CDH13: variants seen among roughly 807,000 people sequenced by gnomAD.
CDH13 encodes the protein cadherin-13.
Under a neutral mutation model 63.8 loss-of-function variants are expected in CDH13, and 24 were observed. The ratio of observed to expected loss-of-function variants is 0.38; its 90% confidence interval spans 0.27 to 0.53. CDH13 has a LOEUF of 0.53. Among genes scored for constraint, CDH13 ranks in the 20% least tolerant of loss-of-function variants. CDH13 has a pLI of 0.85. For synonymous variants in CDH13, 503 were observed against 355.3 expected, an observed-to-expected ratio of 1.42 and a Z score of -4.67; for missense variants, 1,049 against 903.1, an observed-to-expected ratio of 1.16 and a Z score of -2.07.
intron 5 of CDH13, among the ~76,000 whole-genome samples, chr16:83,296,154 G>C (rs1050992293): frequency 6.6e-6 from 1 of 152,096 alleles, no homozygotes; most frequent in African/African-American, 2.4e-5. Flanking sequence ...CATGTGTATA[G>C]TCCTTGTATA....
intron 1 of CDH13, among the ~76,000 whole-genome samples, chr16:82,661,068 T>G (rs1911886494): frequency 6.6e-6 from 1 of 152,188 alleles, no homozygotes; most frequent in Non-Finnish European, 1.5e-5. Context: ...AAAGGGGCTC[T>G]TGAGAGAGTG....
chr16:83,772,374 A>G (rs1914817128), intron 11 of CDH13, among the ~76,000 whole-genome samples: 1 of 152,112 alleles, frequency 6.6e-6, no homozygotes, highest in Admixed American at 6.5e-5. Flanking sequence ...CTCCACTTGA[A>G]GCCATTTGGA....
intron 1 of CDH13, among the ~76,000 whole-genome samples, chr16:82,754,904 T>G (rs1459434580): frequency 6.6e-6 from 1 of 152,250 alleles, no homozygotes; most frequent in Non-Finnish European, 1.5e-5. Context: ...GGTTCATTAC[T>G]AGGTTTCTAT....
intron 7 of CDH13, among the ~76,000 whole-genome samples, chr16:83,577,222 G>GGTTAAACAGCCCCTGTCCTACT (rs1905144041): frequency 6.6e-6 from 1 of 152,156 alleles, no homozygotes; most frequent in Non-Finnish European, 1.5e-5. Flanking sequence ...ATATAGGAAG[G>GGTTAAACAGCCCCTGTCCTACT]GTTAAACAGC....
At chr16:82,633,296 T>G (rs760214870) in intron 1 of CDH13, among the ~76,000 whole-genome samples, 8 of 152,228 alleles carry the variant, frequency 5.3e-5, no homozygotes, top group Non-Finnish European at 1.0e-4. Context: ...TTACTCTACT[T>G]AGACTTGCCA....
chr16:83,501,415 G>C (rs575171053), intron 7 of CDH13, among the ~76,000 whole-genome samples: 14 of 151,822 alleles, frequency 9.2e-5, no homozygotes, highest in African/African-American at 3.1e-4. Flanking sequence ...CAGGTTTTCT[G>C]TCTCCTTGGG....
chr16:83,013,377 T>C (rs1347475726), intron 2 of CDH13, among the ~76,000 whole-genome samples: 1 of 152,226 alleles, frequency 6.6e-6, no homozygotes, highest in Non-Finnish European at 1.5e-5. Flanking sequence ...GTTCAGCTCC[T>C]GGATTCAGCA....
intron 3 of CDH13, among the ~76,000 whole-genome samples, chr16:83,111,956 A>C (rs960190381): frequency 1.3e-5 from 2 of 152,232 alleles, no homozygotes; most frequent in African/African-American, 2.4e-5. Context: ...AAGGAAGTGA[A>C]AAACTCTTAT....
intron 2 of CDH13, among the ~76,000 whole-genome samples, chr16:82,951,405 G>A (rs968380708): frequency 6.6e-6 from 1 of 152,188 alleles, no homozygotes; most frequent in Non-Finnish European, 1.5e-5. Context: ...AATGGGTCCT[G>A]ATATTCAGCT....
chr16:83,087,836 A>C (rs945616424), intron 3 of CDH13, among the ~76,000 whole-genome samples: 1 of 152,160 alleles, frequency 6.6e-6, no homozygotes, highest in African/African-American at 2.4e-5. Flanking sequence ...GCTAATTACA[A>C]ATGGGTCTTA....
intron 1 of CDH13, among the ~76,000 whole-genome samples, chr16:82,845,275 C>T (rs1278127973): frequency 6.6e-6 from 1 of 152,224 alleles, no homozygotes; most frequent in Non-Finnish European, 1.5e-5. Flanking sequence ...ATTCAGCCAG[C>T]TGTCATTTCC....
intron 10 of CDH13, among the ~76,000 whole-genome samples, chr16:83,747,023 A>C (rs1382720405): frequency 6.6e-6 from 1 of 152,166 alleles, no homozygotes; most frequent in African/African-American, 2.4e-5. Context: ...ATTAACTTTT[A>C]GTTCCCTTAA....
chr16:83,570,654 G>A (rs1283403824), intron 7 of CDH13, among the ~76,000 whole-genome samples: 1 of 148,350 alleles, frequency 6.7e-6, no homozygotes, highest in Admixed American at 6.8e-5. Context: ...TATTCCCAGA[G>A]ATTCTTTCTC....
intron 2 of CDH13, among the ~76,000 whole-genome samples, chr16:82,931,181 C>T (rs1373563496): frequency 1.3e-5 from 2 of 152,184 alleles, no homozygotes. Flanking sequence ...ACTTTGATTT[C>T]CCTCTCTCGT....
At chr16:83,740,440 A>G (rs972379589) in intron 10 of CDH13, among the ~76,000 whole-genome samples, 1 of 152,160 alleles carries the variant, frequency 6.6e-6, no homozygotes, top group African/African-American at 2.4e-5. Flanking sequence ...CAATAACCAA[A>G]GAAAGTGGAC....
At chr16:83,034,834 G>C (rs938134276) in intron 3 of CDH13, among the ~76,000 whole-genome samples, 10 of 152,154 alleles carry the variant, frequency 6.6e-5, no homozygotes, top group African/African-American at 9.7e-5. Context: ...TCAAGTTTCT[G>C]TGAGATGCCA....
chr16:82,636,742 C>A (rs1418246571), intron 1 of CDH13, among the ~76,000 whole-genome samples: 1 of 152,184 alleles, frequency 6.6e-6, no homozygotes, highest in African/African-American at 2.4e-5. Flanking sequence ...TCTAAAGAAA[C>A]ACCCAAACCA....
At chr16:82,900,716 G>T (rs1362159118) in intron 2 of CDH13, among the ~76,000 whole-genome samples, 1 of 152,150 alleles carries the variant, frequency 6.6e-6, no homozygotes. Context: ...GTCAAGAGGC[G>T]AGCCTGGGAG....
In CDH13 at chr16:82,935,528, T is replaced by C. The variant is rs948815059; in HGVS notation, c.157+77055T>C. Among the ~76,000 whole-genome samples the C allele has an allele frequency of 3.3e-5, 5 of 152,172 alleles. No individual in the cohort carries two copies. The East Asian group carries it at 9.6e-4, about 29-fold the overall frequency. ...TGGTTTCCAACGTGTTTTCCTAGCATTGGGGTTTAAAGAAAAAAGTAAAAA... is the reference window on the plus strand; with the variant it reads ...TGGTTTCCAACGTGTTTTCCTAGCACTGGGGTTTAAAGAAAAAAGTAAAAA... On this transcript the variant is annotated intron_variant, in intron 2 of 13. Coordinates refer to ENST00000567109, the MANE Select transcript of CDH13 (RefSeq NM_001257.5).
Sources: allele counts gnomAD v4.1 joint callset (sites outside exome capture counted in the v4.1 genomes callset), GRCh38; gene constraint gnomAD v4.1.1; transcripts MANE v1.5; gene names NCBI Gene and HGNC (gene_info 2026-07-23, HGNC 2026-07-21).